Variants in AK7 observed in about 807,000 individuals in gnomAD.
AK7 encodes adenylate kinase 7.
In AK7, 78 loss-of-function variants were observed where a neutral mutation model predicts 96.6. That is an observed-to-expected ratio of 0.81 (90% CI 0.67 to 0.97). The LOEUF is 0.97. Among genes scored for constraint, AK7 ranks in the 50% least tolerant of loss-of-function variants. The pLI, the probability that AK7 is intolerant of heterozygous loss-of-function variation, is 0.00. For missense variants in AK7, 855 were observed against 887.9 expected, an observed-to-expected ratio of 0.96 and a Z score of 0.47; for synonymous variants, 302 against 317.2, an observed-to-expected ratio of 0.95 and a Z score of 0.51.
intron 6 of AK7, 67 bp downstream of exon 6, chr14:96,437,982 G>T: frequency 6.8e-7 from 1 of 1,474,226 alleles, no homozygotes; most frequent in Non-Finnish European, 9.4e-7. Context: ...CAATTTGAAG[G>T]TGTTTTTGAT....
At chr14:96,423,851 G>T in intron 5 of AK7, 1 of 827,012 alleles carries the variant, frequency 1.2e-6, no homozygotes, top group Non-Finnish European at 2.1e-6. Flanking sequence ...GCTGAGGATG[G>T]GCTCGTCACA....
intron 4 of AK7, 61 bp downstream of exon 4, chr14:96,409,002 G>A (rs901964049): frequency 7.1e-6 from 11 of 1,544,210 alleles, no homozygotes; most frequent in African/African-American, 1.4e-5. Flanking sequence ...TGTAATCTGT[G>A]TGTGGAGGGA....
rs1893594936 is a variant in AK7 at position 96,451,405 on chromosome 14, G to A, written c.949-16G>A. On this transcript the variant is annotated splice_polypyrimidine_tract_variant and intron_variant, in intron 9 of 17. Coordinates refer to ENST00000267584, the MANE Select transcript of AK7 (RefSeq NM_152327.5). ...AACAAAAAAAGACAAATCTCTAATT[G>A]TCCTCTATCTTTCAGCAAGATTGTC... is the stretch of plus-strand genomic sequence containing the variant. 1 of 1,545,566 alleles carries A rather than the reference G, an allele frequency of 6.5e-7. No individual in the cohort carries two copies. Among genetic ancestry groups the A allele is most frequent in the African/African-American group, 1.4e-5 (1 of 72,698 alleles).
intron 12 of AK7, among the ~76,000 whole-genome samples, chr14:96,462,135 C>A (rs952559532): frequency 6.6e-6 from 1 of 152,148 alleles, no homozygotes; most frequent in Non-Finnish European, 1.5e-5. Flanking sequence ...GGTTCAGCAG[C>A]CTCTGTCAGG....
chr14:96,471,616 A>T lies in AK7; in HGVS notation c.1486+10A>T. The T allele has an allele frequency of 6.5e-7, 1 of 1,534,108 alleles. No homozygotes were observed. ...AAAGACCTGTTCAATCGTAAGTTTG[A>T]GTGTTCTATTTTGAGTATTTATATT... On this transcript the variant is annotated intron_variant, in intron 13 of 17. Coordinates refer to ENST00000267584, the MANE Select transcript of AK7 (RefSeq NM_152327.5).
Position 96,471,613 on chromosome 14 carries a change from T to C in AK7, c.1486+7T>C. On this transcript the variant is annotated splice_region_variant and intron_variant, in intron 13 of 17. Transcript: ENST00000267584. ...GCAAAAGACCTGTTCAATCGTAAGT[T>C]TGAGTGTTCTATTTTGAGTATTTAT... 1.3e-6 allele frequency: 2 copies of C among 1,535,406 alleles called. No individual in the cohort carries two copies. The highest frequency in any genetic ancestry group is 1.7e-6 in the Non-Finnish European group (2 of 1,145,088).
chr14:96,458,148 G>A lies in AK7; in HGVS notation c.1293G>A (p.Glu431=), dbSNP rs954819283. 3.1e-6 allele frequency: 5 copies of A among 1,613,928 alleles called. No individual in the cohort carries two copies. The African/African-American group carries it at 4.0e-5, about 13-fold the overall frequency. The change falls in exon 12 of 18, where the codon GAG becomes GAA. Residue 431 remains glutamate (E), a synonymous_variant. Coordinates refer to ENST00000267584, the MANE Select transcript of AK7 (RefSeq NM_152327.5). The stretch of plus-strand genomic sequence containing the variant: ...AAGAAGTCGAAGAGGAAGAGGAGGA[G>A]GAGAATGTGGAAGATGCACAGGAGC... ...GEEEVEEEEE[E]ENVEDAQELL... is the part of the protein sequence containing the mutation.
intron 1 of AK7, among the ~76,000 whole-genome samples, chr14:96,395,022 ACT>A (rs376068447): frequency 0.011 from 1,697 of 152,010 alleles, 14 homozygotes; most frequent in Non-Finnish European, 0.018. Context: ...TCTGCACATA[ACT>A]CTTATTTATT....
Position 96,478,551 on chromosome 14 carries a change from T to C in AK7, c.1642T>C (p.Tyr548His). 1 of 1,614,174 alleles carries C rather than the reference T, an allele frequency of 6.2e-7. No individual in the cohort carries two copies. The highest frequency in any genetic ancestry group is 8.5e-7 in the Non-Finnish European group (1 of 1,180,030). ...TGAGAGCATCGTGGCGGGGACCCAC[T>C]ACAGCCAAGACCGATTCCTCCGGGC... ...LPESIVAGTH[Y>H]SQDRFLRALS... The change falls in exon 15 of 18, where the codon TAC becomes CAC. Residue 548 changes from tyrosine to histidine, a missense_variant. Physicochemically the swap from Tyr to His is moderately conservative, Grantham distance 83 (BLOSUM62 2). Coordinates refer to ENST00000267584, the MANE Select transcript of AK7 (RefSeq NM_152327.5).
intron 5 of AK7, among the ~76,000 whole-genome samples, chr14:96,435,411 A>T (rs1019894283): frequency 6.6e-6 from 1 of 152,056 alleles, no homozygotes; most frequent in Non-Finnish European, 1.5e-5. Flanking sequence ...TTCTAGATGC[A>T]AGACAAAGTC....
intron 11 of AK7, 131 bp from the exon 12 acceptor site, chr14:96,457,952 G>A (rs76397490): frequency 0.11 from 143,243 of 1,261,800 alleles, 8,832 homozygotes; most frequent in East Asian, 0.17. Context: ...GCAAAATTTT[G>A]CATGACAGCT....
chr14:96,436,258 A>G lies in AK7; in HGVS notation c.610-1577A>G, dbSNP rs149450846. Among the ~76,000 whole-genome samples the G allele has an allele frequency of 9.9e-5, 15 of 152,208 alleles. No homozygotes were observed. The East Asian group carries it at 2.9e-3, about 29-fold the overall frequency. ...CTGTCTTACAATTTTTAAAATCTCT[A>G]TTGTATTTGTGGTTAAGTCCTCCTT... On this transcript the variant is annotated intron_variant, in intron 5 of 17. Coordinates refer to ENST00000267584, the MANE Select transcript of AK7 (RefSeq NM_152327.5).
chr14:96,418,834 T>A (rs1179136113), intron 4 of AK7, among the ~76,000 whole-genome samples: 1 of 152,206 alleles, frequency 6.6e-6, no homozygotes, highest in Non-Finnish European at 1.5e-5. Flanking sequence ...AGGATTTTCA[T>A]TGTGTTTCTC....
intron 1 of AK7, among the ~76,000 whole-genome samples, chr14:96,395,009 A>C (rs1889983733): frequency 1.3e-5 from 2 of 152,148 alleles, no homozygotes; most frequent in South Asian, 4.1e-4. Flanking sequence ...AGACAGTCGA[A>C]ACTCTGCACA....
chr14:96,457,312 T>C (rs1306191876), intron 11 of AK7, among the ~76,000 whole-genome samples: 1 of 152,080 alleles, frequency 6.6e-6, no homozygotes, highest in African/African-American at 2.4e-5. Flanking sequence ...CCGCCCGCCT[T>C]GGCCTCCCAA....
At position 96,408,904 on chromosome 14, in the gene AK7, C is replaced by T. The variant is rs763531234; in HGVS notation, c.461C>T (p.Thr154Met). The part of the protein sequence containing the change: ...EKRKLFILLS[T>M]VMTWARSKAL... ...CGAAAGCTATTTATTTTACTGTCGA[C>T]GGTGATGACTTGGGCGCGCTCCAAA... The change falls in exon 4 of 18, where the codon ACG becomes ATG. Residue 154 changes from threonine (T) to methionine (M), a missense_variant. Thr to Met is a moderately conservative substitution (Grantham distance 81). Coordinates refer to ENST00000267584, the MANE Select transcript of AK7 (RefSeq NM_152327.5). 1 of 1,614,232 alleles carries T rather than the reference C, an allele frequency of 6.2e-7. No individual in the cohort carries two copies. The highest frequency in any genetic ancestry group is 8.5e-7 in the Non-Finnish European group (1 of 1,180,036).
chr14:96,449,007 G>A, intron 8 of AK7, among the ~76,000 whole-genome samples: 1 of 151,904 alleles, frequency 6.6e-6, no homozygotes, highest in Non-Finnish European at 1.5e-5. Context: ...CAGATTCAGT[G>A]CCTGACGAGG....
intron 5 of AK7, 120 bp from the exon 6 acceptor site, chr14:96,437,715 A>G: frequency 1.5e-6 from 1 of 678,030 alleles, no homozygotes; most frequent in Non-Finnish European, 2.5e-6. Flanking sequence ...AACAATACTC[A>G]GTAACCTGCA....
chr14:96,395,549 G>C (rs1566753560), intron 1 of AK7, among the ~76,000 whole-genome samples: 1 of 151,770 alleles, frequency 6.6e-6, no homozygotes, highest in Non-Finnish European at 1.5e-5. Context: ...TTGAGATTAG[G>C]AATGAAGGAG....
Sources: allele counts gnomAD v4.1 joint callset (sites outside exome capture counted in the v4.1 genomes callset), GRCh38; gene constraint gnomAD v4.1.1; transcripts MANE v1.5; gene names NCBI Gene and HGNC (gene_info 2026-07-23, HGNC 2026-07-21).